Variants in OARD1 observed in about 807,000 individuals in gnomAD.
OARD1 encodes the protein ADP-ribose glycohydrolase OARD1.
Under a neutral mutation model 19.7 loss-of-function variants are expected in OARD1, and 19 were observed. That is an observed-to-expected ratio of 0.96 (90% CI 0.67 to 1.41). The LOEUF is 1.41. OARD1 is among the 40% of genes most tolerant of loss of function. The pLI, the probability that OARD1 is intolerant of heterozygous loss-of-function variation, is 0.00. For missense variants in OARD1, 190 were observed against 183.8 expected (o/e 1.03, Z -0.20); for synonymous variants, 70 against 61.8 (o/e 1.13, Z -0.62).
At chr6:41,074,201 T>TA (rs1454935585), upstream of OARD1, among the ~76,000 whole-genome samples, 2 of 152,264 alleles carry the variant, frequency 1.3e-5, no homozygotes, top group African/African-American at 4.8e-5. Flanking sequence ...GTTTTTCTGA[T>TA]ACACTTTCAA....
At chr6:41,082,983 A>G (rs1052804059) in intron 1 of OARD1, among the ~76,000 whole-genome samples, 2 of 152,226 alleles carry the variant, frequency 1.3e-5, no homozygotes, top group Non-Finnish European at 2.9e-5. Context: ...TAACCTACTC[A>G]TCTAGGACAG....
chr6:41,081,237 C>T (rs1763896353), intron 1 of OARD1, among the ~76,000 whole-genome samples: 1 of 152,140 alleles, frequency 6.6e-6, no homozygotes, highest in Non-Finnish European at 1.5e-5. Context: ...CGCCTGTAAT[C>T]CCAGCACTTT....
chr6:41,090,595 A>C (rs534008279), intron 1 of OARD1, among the ~76,000 whole-genome samples: 6 of 152,310 alleles, frequency 3.9e-5, no homozygotes, highest in Admixed American at 6.5e-5. Flanking sequence ...TAGGGAGTTC[A>C]TTGGTAAAGA....
intron 1 of OARD1, chr6:41,079,208 A>G (rs368807744): frequency 3.0e-5 from 46 of 1,558,704 alleles, no homozygotes; most frequent in Non-Finnish European, 3.9e-5. Flanking sequence ...AATGAAACTG[A>G]TAACAGCACC....
intron 1 of OARD1, among the ~76,000 whole-genome samples, chr6:41,095,916 A>G (rs1764341362): frequency 6.6e-6 from 1 of 152,210 alleles, no homozygotes; most frequent in Non-Finnish European, 1.5e-5. Context: ...TTTAGTATCC[A>G]GTTCTGAACC....
At chr6:41,086,262 T>G (rs1764041147) in intron 1 of OARD1, among the ~76,000 whole-genome samples, 2 of 152,182 alleles carry the variant, frequency 1.3e-5, no homozygotes, top group Admixed American at 6.5e-5. Flanking sequence ...GGCCAAGTTA[T>G]TTAATTGTCG....
rs527828184 is a variant in OARD1, at chr6:41,088,514, A to C, written c.-42+9199T>G. Among the ~76,000 whole-genome samples, 181 of 152,234 alleles carry C rather than the reference A, an allele frequency of 1.2e-3. 1 individual carries two copies. Among genetic ancestry groups the C allele is most frequent in the South Asian group, 2.5e-3 (12 of 4,826 alleles). On this transcript the variant is annotated intron_variant, in intron 1 of 4. Transcript: ENST00000480585. ...TGTTGGATTCTTTCAAGGTCCTCTC[A>C]AGGCCCTTATCAAGGTGTTGTCCTG...
chr6:41,070,976 G>A, intron 3 of OARD1, 156 bp downstream of exon 3: 1 of 738,242 alleles, frequency 1.4e-6, no homozygotes, highest in Non-Finnish European at 2.3e-6. Flanking sequence ...TTTTGATATG[G>A]TAAACGTCTA....
chr6:41,068,124 A>G (rs1047052090), intron 5 of OARD1, among the ~76,000 whole-genome samples: 16 of 152,244 alleles, frequency 1.1e-4, no homozygotes, highest in Admixed American at 7.8e-4. Context: ...TACACCATAA[A>G]TATATCAAAG....
intron 1 of OARD1, among the ~76,000 whole-genome samples, chr6:41,088,192 G>A (rs558929356): frequency 2.0e-5 from 3 of 152,122 alleles, no homozygotes; most frequent in East Asian, 3.9e-4. Flanking sequence ...GCCGAGGCGG[G>A]TGGATCACAA....
In OARD1 at chr6:41,066,065, C is replaced by T. The variant is rs1398080254; in HGVS notation, c.*1270G>A. 6.6e-6 allele frequency: 1 copy of T among 152,198 alleles called. No homozygotes were observed. The highest frequency in any genetic ancestry group is 1.5e-5 in the Non-Finnish European group (1 of 68,038). The allele number at this position is 152,198 out of a possible 1,614,324, so 9.4% of individuals were successfully genotyped here. A position where few individuals can be genotyped will look rare whatever the true frequency, so the allele number is the denominator to read the frequency against. Reference sequence around the variant, plus strand: ...GGACTAATATTTAGACCCCAGCTGGCTGCACATCCAAATCTTCTATGGAGG... The same window carrying T: ...GGACTAATATTTAGACCCCAGCTGGTTGCACATCCAAATCTTCTATGGAGG... On this transcript the variant is annotated 3_prime_UTR_variant, in exon 6 of 6. Coordinates refer to ENST00000424266, the MANE Select transcript of OARD1 (RefSeq NM_001329686.2).
At chr6:41,072,182 G>T (rs1271264326) in intron 1 of OARD1, 54 bp downstream of exon 1, 1 of 154,908 alleles carries the variant, frequency 6.5e-6, no homozygotes, top group African/African-American at 2.4e-5. Context: ...TTTTTTGGGG[G>T]GTGCGTGGGA....
chr6:41,071,529 T>C, intron 2 of OARD1, 67 bp downstream of exon 2: 1 of 1,306,070 alleles, frequency 7.7e-7, no homozygotes, highest in Non-Finnish European at 1.1e-6. Context: ...AATTAAAAAG[T>C]GTTTATGCTT....
At chr6:41,070,963 G>A (rs1198385494) in intron 3 of OARD1, 169 bp downstream of exon 3, 3 of 663,208 alleles carry the variant, frequency 4.5e-6, no homozygotes, top group Non-Finnish European at 8.0e-6. Context: ...CACAGGAGTT[G>A]GGTTTTGATA....
chr6:41,078,966 A>T, intron 1 of OARD1: 1 of 702,756 alleles, frequency 1.4e-6, no homozygotes, highest in Non-Finnish European at 2.5e-6. Flanking sequence ...TATCCAGGTT[A>T]ATTGTCTGGT....
rs756848505 is a variant in OARD1 at position 41,065,835 on chromosome 6, C to T, written c.*1500G>A. On this transcript the variant is annotated 3_prime_UTR_variant, in exon 6 of 6. Transcript: ENST00000424266. ...TTTTATACTTGGGAAAGCAGCAAGT[C>T]CTGTGACAGACCCAAAGTCACTCTA... is the stretch of plus-strand genomic sequence containing the variant. 6.6e-6 allele frequency: 1 copy of T among 152,236 alleles called. No homozygotes were observed. Among genetic ancestry groups the T allele is most frequent in the Non-Finnish European group, 1.5e-5 (1 of 68,046 alleles). 9.4% of individuals were successfully genotyped at this position (152,236 alleles called of 1,614,324 possible).
intron 1 of OARD1, chr6:41,092,857 G>GT: frequency 6.5e-7 from 1 of 1,539,576 alleles, no homozygotes; most frequent in Non-Finnish European, 8.8e-7. Flanking sequence ...CCAAGAAACT[G>GT]TTTCTATGTC....
chr6:41,083,666 C>T (rs1031824225), intron 1 of OARD1, among the ~76,000 whole-genome samples: 6 of 152,210 alleles, frequency 3.9e-5, no homozygotes, highest in Non-Finnish European at 8.8e-5. Flanking sequence ...TCACCTTTCC[C>T]TCTCATTGCC....
At position 41,081,489 on chromosome 6, in the gene OARD1, C is replaced by CA. The variant is rs879592136; in HGVS notation, c.-41-9815dup. 9.8e-3 allele frequency among the ~76,000 whole-genome samples: 1,001 copies of CA among 101,928 alleles called. 8 individuals carry two copies. The highest frequency in any genetic ancestry group is 0.039 in the South Asian group (129 of 3,286). 66.9% of individuals were successfully genotyped at this position (101,928 alleles called of 152,430 possible). On this transcript the variant is annotated intron_variant, in intron 1 of 4. Coordinates refer to the OARD1 transcript ENST00000480585. ...TGGGTGACAGAGCGAGACTCCGTCT[C>CA]AAAAAAAAAAAAAAGAATTTATTCA...
Sources: gnomAD v4.1 joint callset for allele counts (sites outside exome capture counted in the v4.1 genomes callset) on GRCh38, gnomAD v4.1.1 for gene constraint, MANE v1.5 for transcripts, NCBI Gene and HGNC (gene_info 2026-07-23, HGNC 2026-07-21) for gene names.